SPTBN5: variants seen among roughly 807,000 people sequenced by gnomAD.
SPTBN5 encodes the protein spectrin beta chain, non-erythrocytic 5.
A neutral mutation model predicts 477.6 loss-of-function variants in SPTBN5; 513 were observed. The ratio of observed to expected loss-of-function variants is 1.07; its 90% CI spans 1.00 to 1.16. The LOEUF (loss-of-function observed/expected upper bound fraction) is 1.16, where lower values mean the gene tolerates loss of function less well. Among genes scored for constraint, SPTBN5 ranks in the 50% most tolerant of loss-of-function variants. The pLI is 0.00. For missense variants in SPTBN5, 5,062 were observed against 4,731.8 expected (o/e 1.07, Z -2.05); for synonymous variants, 2,169 against 2,011.7 (o/e 1.08, Z -2.09).
Position 41,857,726 on chromosome 15 carries a change from G to C in SPTBN5, c.8227-16C>G. ...TCTGTCCCTCCTGCAGCCACAACATGAAACACACCTTGTGGACTCAGGACT... is the reference window on the plus strand; with the variant it reads ...TCTGTCCCTCCTGCAGCCACAACATCAAACACACCTTGTGGACTCAGGACT... On this transcript the variant is annotated splice_polypyrimidine_tract_variant and intron_variant, in intron 49 of 67. Transcript: ENST00000320955. 6.4e-7 allele frequency: 1 copy of C among 1,558,466 alleles called. No individual in the cohort carries two copies.
chr15:41,870,199 G>A (rs1296162238), intron 31 of SPTBN5, 44 bp downstream of exon 31: 5 of 1,526,242 alleles, frequency 3.3e-6, no homozygotes, highest in Non-Finnish European at 4.4e-6. Context: ...CAGCCTGAGG[G>A]GGCTGCAGGG....
intron 56 of SPTBN5, 121 bp downstream of exon 56, chr15:41,854,661 T>C: frequency 1.2e-6 from 1 of 842,584 alleles, no homozygotes; most frequent in South Asian, 2.3e-5. Context: ...AAAAGGCACA[T>C]TCACTTGAGG....
At chr15:41,874,743 G>A (rs1304960733) in intron 23 of SPTBN5, 99 bp downstream of exon 23, 1 of 1,218,676 alleles carries the variant, frequency 8.2e-7, no homozygotes, top group Non-Finnish European at 1.1e-6. Context: ...ACTCATAAGG[G>A]AGGAGGTCTG....
Position 41,875,639 on chromosome 15 carries a change from G to T in SPTBN5, c.4123-17C>A, listed in dbSNP as rs371239135. 9 of 1,562,566 alleles carry T rather than the reference G, an allele frequency of 5.8e-6. No individual in the cohort carries two copies. In the East Asian group the frequency reaches 9.5e-5, roughly 16 times the overall value. ...TCTCCCAACCTGGAGTGGAGATAAA[G>T]GCCCAGGGAGTTTGGCTGAGCTGCT... On this transcript the variant is annotated splice_polypyrimidine_tract_variant and intron_variant, in intron 21 of 67. Coordinates refer to ENST00000320955, the MANE Select transcript of SPTBN5 (RefSeq NM_016642.4).
Position 41,866,254 on chromosome 15 carries a change from A to T in SPTBN5, c.6631-25T>A, listed in dbSNP as rs752568850. ...TCTGGAGGGAGAGAGGGGACACAGG[A>T]CATCTTGCCTGCTGCACTTCCTCCT... is the stretch of plus-strand genomic sequence containing the variant. On this transcript the variant is annotated intron_variant, in intron 37 of 67. Coordinates refer to ENST00000320955, the MANE Select transcript of SPTBN5 (RefSeq NM_016642.4). The T allele has an allele frequency of 1.9e-6, 3 of 1,580,294 alleles. No individual in the cohort carries two copies. In the South Asian group the frequency reaches 3.4e-5, roughly 18 times the overall value.
rs375331304 is a variant in SPTBN5, at chr15:41,890,472, G to T, written c.385-267C>A. Among the ~76,000 whole-genome samples the T allele has an allele frequency of 6.6e-5, 10 of 152,372 alleles. No individual in the cohort carries two copies. In the East Asian group the frequency reaches 1.5e-3, roughly 23 times the overall value. On this transcript the variant is annotated intron_variant, in intron 3 of 67. Coordinates refer to ENST00000320955, the MANE Select transcript of SPTBN5 (RefSeq NM_016642.4). The stretch of plus-strand genomic sequence containing the variant: ...GGCCCTCAGAGCAGGAGGACTCCCT[G>T]TGTGTGGGCTACAGGTAGACCTGGG...
chr15:41,870,644 C>A, intron 29 of SPTBN5, 84 bp from the exon 30 acceptor site: 1 of 1,158,220 alleles, frequency 8.6e-7, no homozygotes, highest in Non-Finnish European at 1.2e-6. Flanking sequence ...GGTCAGCCCG[C>A]TCCTCTCTGA....
At position 41,875,565 on chromosome 15, in the gene SPTBN5, G is replaced by T; in HGVS notation, c.4180C>A (p.Leu1394Ile). 6.2e-7 allele frequency: 1 copy of T among 1,608,008 alleles called. No individual in the cohort carries two copies. Residue 1394 changes from leucine (L) to isoleucine (I), a missense_variant, in exon 22 of 68, where the codon CTT becomes ATT. By Grantham distance (5) the Leu-to-Ile change is conservative. Transcript: ENST00000320955. ...TCCCACTTGCTTCTCAGGCCTTGAA[G>T]CCTGGTCTGTATGTCCTCCTGGCCA... Reference protein sequence around the residue: ...PCGQEDIQTRLQGLRSKWEAL... With the variant: ...PCGQEDIQTRIQGLRSKWEAL...
chr15:41,874,858 G>A lies in SPTBN5; in HGVS notation c.4486C>T (p.Gln1496Ter). ...AASPAILEETQKHLRRLELLQ... is the reference protein window; with the variant it reads ...AASPAILEET The stretch of plus-strand genomic sequence containing the variant: ...AGACCCCACCTCCGGAGGTGCTTCT[G>A]GGTCTCTTCCAGGATGGCCGGGGAG... Residue 1496 changes from glutamine to a stop codon, truncating the protein, a stop_gained, in exon 23 of 68, where the codon CAG becomes TAG. Coordinates refer to ENST00000320955, the MANE Select transcript of SPTBN5 (RefSeq NM_016642.4). LOFTEE classifies it high-confidence loss of function. The A allele has an allele frequency of 6.2e-7, 1 of 1,607,094 alleles. No individual in the cohort carries two copies. The highest frequency in any genetic ancestry group is 8.5e-7 in the Non-Finnish European group (1 of 1,175,490).
intron 41 of SPTBN5, among the ~76,000 whole-genome samples, 156 bp downstream of exon 41, chr15:41,863,548 A>G (rs1053813196): frequency 5.3e-5 from 8 of 152,122 alleles, no homozygotes; most frequent in African/African-American, 1.9e-4. Context: ...AGCCCATCAG[A>G]TGTCCCTGGT....
intron 17 of SPTBN5, among the ~76,000 whole-genome samples, chr15:41,878,021 C>A (rs1318348404): frequency 2.0e-5 from 3 of 152,154 alleles, no homozygotes; most frequent in African/African-American, 7.2e-5. Context: ...ACCAGGACGG[C>A]AGGGGGGGCT....
At chr15:41,879,150 T>G (rs1410400595) in intron 16 of SPTBN5, 110 bp downstream of exon 16, 2 of 1,342,050 alleles carry the variant, frequency 1.5e-6, no homozygotes, top group Non-Finnish European at 2.0e-6. Flanking sequence ...ACAGCCCTCC[T>G]ACCTGTTGTC....
rs1662817018 is a variant in SPTBN5 at position 41,879,322 on chromosome 15, C to G, written c.3120G>C (p.Leu1040=). The G allele has an allele frequency of 6.2e-7, 1 of 1,611,508 alleles. No homozygotes were observed. Among genetic ancestry groups the G allele is most frequent in the Non-Finnish European group, 8.5e-7 (1 of 1,179,828 alleles). The change falls in exon 16 of 68, where the codon CTG becomes CTC. Residue 1040 remains leucine, a synonymous_variant. Coordinates refer to ENST00000320955, the MANE Select transcript of SPTBN5 (RefSeq NM_016642.4). ...SSEDTCHALQ[L]AQKKTLVLER... ...CCAGCACCAGGGTCTTCTTCTGGGC[C>G]AGCTGCAGGGCGTGGCAGGTGTCCT...
chr15:41,863,755 T>C lies in SPTBN5; in HGVS notation c.7098A>G (p.Ile2366Met). Residue 2366 changes from isoleucine to methionine, a missense_variant, in exon 41 of 68, where the codon ATA becomes ATG. Physicochemically the swap from Ile to Met is conservative, Grantham distance 10. Coordinates refer to ENST00000320955, the MANE Select transcript of SPTBN5 (RefSeq NM_016642.4). ...YQQQLEGALE[I>M]HVLSRELDNV... Reference sequence around the variant, plus strand: ...TGTCCAGCTCTCGGGACAACACGTGTATCTCCAAGGCCCCTTCGAGCTGCT... The same window carrying C: ...TGTCCAGCTCTCGGGACAACACGTGCATCTCCAAGGCCCCTTCGAGCTGCT... The C allele has an allele frequency of 6.2e-7, 1 of 1,613,724 alleles. No homozygotes were observed. The highest frequency in any genetic ancestry group is 8.5e-7 in the Non-Finnish European group (1 of 1,179,876).
rs533316173 is a variant in SPTBN5, at chr15:41,890,635, G to A, written c.385-430C>T. Among the ~76,000 whole-genome samples, 6 of 152,354 alleles carry A rather than the reference G, an allele frequency of 3.9e-5. No homozygotes were observed. In the South Asian group the frequency reaches 1.2e-3, roughly 32 times the overall value. ...ATCTTCAGGGGGTGGCTGGGTCCCT[G>A]GGCTCACACCCAAATCTCAGCCCTC... On this transcript the variant is annotated intron_variant, in intron 3 of 67. Transcript: ENST00000320955.
At chr15:41,890,992 G>A (rs974186713) in intron 3 of SPTBN5, among the ~76,000 whole-genome samples, 9 of 152,226 alleles carry the variant, frequency 5.9e-5, no homozygotes, top group East Asian at 1.9e-4. Context: ...TTGCAGGGCC[G>A]TGCCTGCTGT....
At position 41,880,247 on chromosome 15, in the gene SPTBN5, G is replaced by C; in HGVS notation, c.2724C>G (p.Leu908=). 1 of 1,607,540 alleles carries C rather than the reference G, an allele frequency of 6.2e-7. No individual in the cohort carries two copies. The highest frequency in any genetic ancestry group is 2.2e-5 in the East Asian group (1 of 44,676). ...CTGTCTGCTTCTCCAGCCACAACTG[G>C]AGCTCCCCACAGGAACTGCAGAAAC... ...LFGFCSSCGE[L]QLWLEKQTVL... Residue 908 remains leucine, a synonymous_variant, in exon 14 of 68, where the codon CTC becomes CTG. Coordinates refer to ENST00000320955, the MANE Select transcript of SPTBN5 (RefSeq NM_016642.4).
chr15:41,868,629 C>G, intron 32 of SPTBN5, 28 bp from the exon 33 acceptor site: 1 of 1,590,590 alleles, frequency 6.3e-7, no homozygotes, highest in East Asian at 2.2e-5. Context: ...GAGGGAGAGC[C>G]GGGTGAGGGC....
rs373383778 is a variant in SPTBN5 at position 41,851,788 on chromosome 15, G to A, written c.10647C>T (p.Gly3549=). ...SLEFKQHLLP[G]GRQPSSSSWD... ...ATCTCCAGGCACTCACCTGCCTCCC[G>A]CCAGGCAGCAGGTGCTGCTTGAACT... The change falls in exon 63 of 68, where the codon GGC becomes GGT. Residue 3549 remains glycine, a synonymous_variant. Coordinates refer to ENST00000320955, the MANE Select transcript of SPTBN5 (RefSeq NM_016642.4). The A allele has an allele frequency of 9.0e-5, 145 of 1,609,468 alleles. No homozygotes were observed. Among genetic ancestry groups the A allele is most frequent in the African/African-American group, 8.4e-4 (63 of 74,914 alleles).
Sources: gnomAD v4.1 joint callset for allele counts (sites outside exome capture counted in the v4.1 genomes callset) on GRCh38, gnomAD v4.1.1 for gene constraint, MANE v1.5 for transcripts, NCBI Gene and HGNC (gene_info 2026-07-23, HGNC 2026-07-21) for gene names.